The following NRXN3 variants were observed in gnomAD, a reference collection of about 807,000 sequenced individuals.
The protein encoded by NRXN3 is neurexin 3.
A neutral mutation model predicts 137.6 loss-of-function variants in NRXN3; 32 were observed. That is an observed-to-expected ratio of 0.23 (90% CI 0.18 to 0.31). NRXN3 has a LOEUF of 0.31. NRXN3 is among the 10% of genes least tolerant of loss of function. The probability of loss-of-function intolerance (pLI) is 1.00; values close to 1 mark genes in which losing one functional copy is unlikely to be tolerated. For missense variants in NRXN3, 1,574 were observed against 2,062.5 expected (o/e 0.76, Z 4.59); for synonymous variants, 798 against 784.5 (o/e 1.02, Z -0.29).
chr14:78,709,229 A>T lies in NRXN3; in HGVS notation c.1234A>T (p.Asn412Tyr). 1 of 1,612,436 alleles carries T rather than the reference A, an allele frequency of 6.2e-7. No homozygotes were observed. Among genetic ancestry groups the T allele is most frequent in the African/African-American group, 1.3e-5 (1 of 74,948 alleles). ...TGGCTTTTGACAGGTTGTTTATAAGAATAATGACATCCGTCTGGAGCTGTC... is the reference window on the plus strand; with the variant it reads ...TGGCTTTTGACAGGTTGTTTATAAGTATAATGACATCCGTCTGGAGCTGTC... ...MGCLKEVVYK[N>Y]NDIRLELSRL... is the part of the protein sequence containing the mutation. The change falls in exon 7 of 21, where the codon AAT becomes TAT. Residue 412 changes from asparagine (N) to tyrosine (Y), a missense_variant. By Grantham distance (143) the Asn-to-Tyr change is moderately radical. This residue lies in a region of NRXN3 where 3 missense variants were observed against 18.7 expected (regional missense o/e 0.16). Transcript: ENST00000335750.
At position 78,859,244 on chromosome 14, in the gene NRXN3, G is replaced by A. The variant is rs369690482; in HGVS notation, c.2275+48900G>A. On this transcript the variant is annotated intron_variant, in intron 10 of 20. Coordinates refer to ENST00000335750, the MANE Select transcript of NRXN3 (RefSeq NM_001330195.2). ...TTCCTGAGGCCTCCCCAGCCTTGAG[G>A]AACTATGAGTCAATTAAACCTCTCT... Among the ~76,000 whole-genome samples the A allele has an allele frequency of 1.4e-4, 21 of 152,194 alleles. No homozygotes were observed. In the East Asian group the frequency reaches 2.9e-3, roughly 21 times the overall value.
chr14:78,494,140 C>G (rs1003803549), intron 4 of NRXN3, among the ~76,000 whole-genome samples: 2 of 152,180 alleles, frequency 1.3e-5, no homozygotes, highest in Non-Finnish European at 2.9e-5. Flanking sequence ...AGATGCTTTC[C>G]TTTAAGCTGT....
chr14:79,351,371 G>C (rs1179743869), intron 15 of NRXN3, among the ~76,000 whole-genome samples: 1 of 152,118 alleles, frequency 6.6e-6, no homozygotes, highest in Admixed American at 6.5e-5. Flanking sequence ...ATAAATGCCA[G>C]GATTGGGTTA....
intron 15 of NRXN3, among the ~76,000 whole-genome samples, chr14:79,164,177 C>T (rs961170353): frequency 2.0e-5 from 3 of 152,100 alleles, no homozygotes; most frequent in Non-Finnish European, 4.4e-5. Context: ...TTAGGATACT[C>T]TTCTCCACTG....
intron 19 of NRXN3, among the ~76,000 whole-genome samples, chr14:79,736,852 A>G (rs2098943771): frequency 6.6e-6 from 1 of 152,190 alleles, no homozygotes; most frequent in African/African-American, 2.4e-5. Context: ...TCTCCAACAG[A>G]TGTGTATGAA....
chr14:79,495,857 T>C (rs1304609173), intron 16 of NRXN3, among the ~76,000 whole-genome samples: 1 of 151,772 alleles, frequency 6.6e-6, no homozygotes, highest in Non-Finnish European at 1.5e-5. Flanking sequence ...TAAATTAGCA[T>C]CTTGAGAAAA....
At chr14:79,776,463 C>G (rs1337597654) in intron 19 of NRXN3, among the ~76,000 whole-genome samples, 1 of 152,196 alleles carries the variant, frequency 6.6e-6, no homozygotes, top group African/African-American at 2.4e-5. Flanking sequence ...ACAAAACTCT[C>G]CAAAATCAGG....
intron 5 of NRXN3, 58 bp from the exon 6 acceptor site, chr14:78,651,087 GTAGGGGAAGCCACTGGGTTA>G: frequency 7.6e-7 from 1 of 1,312,534 alleles, no homozygotes; most frequent in Non-Finnish European, 1.1e-6. Context: ...GATGCCACAA[GTAGGGGAAGCCACTGGGTTA>G]TGATAGGATC....
chr14:79,243,436 C>A (rs1442597012), intron 15 of NRXN3, among the ~76,000 whole-genome samples: 1 of 152,026 alleles, frequency 6.6e-6, no homozygotes, highest in African/African-American at 2.4e-5. Context: ...TTTTTTTGAG[C>A]ATTTACTATG....
chr14:78,185,462 T>G (rs1446615293), intron 1 of NRXN3, among the ~76,000 whole-genome samples: 1 of 151,914 alleles, frequency 6.6e-6, no homozygotes, highest in African/African-American at 2.4e-5. Flanking sequence ...GAGGGCTGAG[T>G]AAGAAATGGG....
intron 19 of NRXN3, among the ~76,000 whole-genome samples, chr14:79,752,200 C>T (rs919105683): frequency 1.4e-5 from 2 of 148,108 alleles, no homozygotes; most frequent in Non-Finnish European, 3.0e-5. Context: ...TCCATCTGGT[C>T]CTGGACTCTT....
At chr14:78,626,393 G>A (rs1040374418) in intron 4 of NRXN3, among the ~76,000 whole-genome samples, 24 of 152,112 alleles carry the variant, frequency 1.6e-4, no homozygotes, top group African/African-American at 4.8e-4. Context: ...AATCATCATG[G>A]GTGCTTCCTA....
chr14:78,780,553 A>G (rs537261259), intron 8 of NRXN3, among the ~76,000 whole-genome samples: 1 of 152,314 alleles, frequency 6.6e-6, no homozygotes, highest in Non-Finnish European at 1.5e-5. Flanking sequence ...CACCCAGCAC[A>G]CAAAGGATTG....
At chr14:79,537,789 T>A (rs1273009235) in intron 16 of NRXN3, among the ~76,000 whole-genome samples, 1 of 152,208 alleles carries the variant, frequency 6.6e-6, no homozygotes, top group Non-Finnish European at 1.5e-5. Context: ...TGATTTATAA[T>A]CCTTTGGGTA....
chr14:78,437,181 C>G (rs750698530), intron 4 of NRXN3, among the ~76,000 whole-genome samples: 1 of 152,082 alleles, frequency 6.6e-6, no homozygotes, highest in Non-Finnish European at 1.5e-5. Context: ...TATTATTACC[C>G]TTATACTTTA....
chr14:79,721,441 G>C (rs1434678322), intron 19 of NRXN3, among the ~76,000 whole-genome samples: 1 of 152,102 alleles, frequency 6.6e-6, no homozygotes, highest in Non-Finnish European at 1.5e-5. Context: ...GCTTGAAAAT[G>C]TTGAAAACAC....
At chr14:79,020,495 C>T (rs1305983883) in intron 15 of NRXN3, among the ~76,000 whole-genome samples, 3 of 149,404 alleles carry the variant, frequency 2.0e-5, no homozygotes, top group South Asian at 2.1e-4. Context: ...GAATTCTCAA[C>T]CTCAGGTGAT....
At chr14:79,342,955 G>A (rs534433609) in intron 15 of NRXN3, among the ~76,000 whole-genome samples, 1 of 152,078 alleles carries the variant, frequency 6.6e-6, no homozygotes. Flanking sequence ...AGATAATTTG[G>A]CGGGTAGGGG....
chr14:79,282,083 C>G (rs527745456), intron 15 of NRXN3, among the ~76,000 whole-genome samples: 1 of 152,026 alleles, frequency 6.6e-6, no homozygotes, highest in Admixed American at 6.6e-5. Context: ...TCTGTGACTC[C>G]TGCTGGGTCT....
Sources: allele counts gnomAD v4.1 joint callset (sites outside exome capture counted in the v4.1 genomes callset), GRCh38; gene constraint gnomAD v4.1.1; regional missense constraint gnomAD v4.1.1; transcripts MANE v1.5; gene names NCBI Gene and HGNC (gene_info 2026-07-23, HGNC 2026-07-21).